ART3: variants seen among roughly 807,000 people sequenced by gnomAD.
ART3 encodes ecto-ADP-ribosyltransferase 3.
A neutral mutation model predicts 48.5 loss-of-function variants in ART3; 49 were observed. That is an observed-to-expected ratio of 1.01 (90% CI 0.80 to 1.28). ART3 has a LOEUF of 1.28. Among genes scored for constraint, ART3 ranks in the 50% most tolerant of loss-of-function variants. The pLI is 0.00. For missense variants in ART3, 438 were observed against 454.3 expected, an observed-to-expected ratio of 0.96 and a Z score of 0.33; for synonymous variants, 145 against 157.2, an observed-to-expected ratio of 0.92 and a Z score of 0.58.
At chr4:76,078,379 G>A (rs1395188670) in intron 2 of ART3, among the ~76,000 whole-genome samples, 1 of 152,152 alleles carries the variant, frequency 6.6e-6, no homozygotes, top group Non-Finnish European at 1.5e-5. Flanking sequence ...AGGGTCTGGT[G>A]TCTTATACGG....
intron 1 of ART3, among the ~76,000 whole-genome samples, chr4:76,042,245 A>G (rs949876575): frequency 6.6e-6 from 1 of 152,240 alleles, no homozygotes; most frequent in African/African-American, 2.4e-5. Context: ...ATTTAAAAAT[A>G]ATTTCCAACT....
rs10003382 is a variant in ART3 at position 76,034,320 on chromosome 4, C to T, written c.-10+23000C>T. The T allele has an allele frequency of 0.59, 236,392 of 398,352 alleles. 73,326 individuals are homozygous for T. Among genetic ancestry groups the T allele is most frequent in the East Asian group, 0.93 (25,985 of 27,972 alleles). 24.7% of individuals were successfully genotyped at this position (398,352 alleles called of 1,614,324 possible). Reference sequence around the variant, plus strand: ...CCAGTAATAATGTCAATGTCTCCACCGTAACCACAGATAGTAATATAGCAT... The same window carrying T: ...CCAGTAATAATGTCAATGTCTCCACTGTAACCACAGATAGTAATATAGCAT... On this transcript the variant is annotated intron_variant, in intron 1 of 9. Transcript: ENST00000341029.
At chr4:76,068,778 G>C (rs1477920495) in intron 1 of ART3, among the ~76,000 whole-genome samples, 1 of 152,122 alleles carries the variant, frequency 6.6e-6, no homozygotes, top group Non-Finnish European at 1.5e-5. Context: ...ATGTACCCTT[G>C]AGCCTAAAAT....
At chr4:76,062,962 TA>T (rs1205301979) in intron 1 of ART3, among the ~76,000 whole-genome samples, 1 of 152,144 alleles carries the variant, frequency 6.6e-6, no homozygotes, top group Non-Finnish European at 1.5e-5. Context: ...TTCCTACAGC[TA>T]ATCACTTGTT....
chr4:76,061,929 A>T (rs1484393464), intron 1 of ART3, among the ~76,000 whole-genome samples: 1 of 152,248 alleles, frequency 6.6e-6, no homozygotes, highest in Admixed American at 6.5e-5. Context: ...TTTTACACGA[A>T]TTTCTAGAGT....
intron 1 of ART3, among the ~76,000 whole-genome samples, chr4:76,068,741 G>A (rs1285370231): frequency 2.6e-5 from 4 of 152,068 alleles, no homozygotes; most frequent in Non-Finnish European, 2.9e-5. Context: ...CCTCTGACAC[G>A]AGTTTACCTA....
intron 1 of ART3, among the ~76,000 whole-genome samples, chr4:76,054,680 A>G (rs1412372128): frequency 6.6e-6 from 1 of 152,126 alleles, no homozygotes; most frequent in Non-Finnish European, 1.5e-5. Context: ...TAAAAATTTG[A>G]AAAATTAGCT....
At chr4:76,106,783 T>C (rs1728568426) in intron 10 of ART3, among the ~76,000 whole-genome samples, 1 of 152,158 alleles carries the variant, frequency 6.6e-6, no homozygotes, top group African/African-American at 2.4e-5. Context: ...TGTTTTACTG[T>C]TTGCTCCTTC....
At chr4:76,026,693 T>A (rs947852578) in intron 1 of ART3, among the ~76,000 whole-genome samples, 1 of 92,050 alleles carries the variant, frequency 1.1e-5, no homozygotes, top group Non-Finnish European at 2.1e-5. Flanking sequence ...CTTAGTTATT[T>A]GCTGTTTTTT....
chr4:76,093,693 GTAT>G (rs1176110536), intron 3 of ART3, among the ~76,000 whole-genome samples: 1 of 152,082 alleles, frequency 6.6e-6, no homozygotes, highest in Non-Finnish European at 1.5e-5. Context: ...TTTAAGAAGG[GTAT>G]TATTCTGCAT....
chr4:76,054,987 C>A (rs904442905), intron 1 of ART3, among the ~76,000 whole-genome samples: 1 of 152,178 alleles, frequency 6.6e-6, no homozygotes. Context: ...GTTGCTCAGG[C>A]TGGACTCAAA....
At chr4:76,063,871 C>G (rs775264444) in intron 1 of ART3, among the ~76,000 whole-genome samples, 4 of 152,136 alleles carry the variant, frequency 2.6e-5, no homozygotes, top group South Asian at 2.1e-4. Context: ...GAATTATATA[C>G]TAGCCAACTG....
rs554024910 is a variant in ART3, at chr4:76,109,673, C to T, written c.1036+1880C>T. 1.5e-4 allele frequency among the ~76,000 whole-genome samples: 23 copies of T among 152,210 alleles called. No individual in the cohort carries two copies. In the South Asian group the frequency reaches 1.9e-3, roughly 12 times the overall value. ...AACACGTAATATGTTACAACGGCAACGATGTTGCTAGGCAGTAGGAAATTT... is the reference window on the plus strand; with the variant it reads ...AACACGTAATATGTTACAACGGCAATGATGTTGCTAGGCAGTAGGAAATTT... On this transcript the variant is annotated intron_variant, in intron 11 of 11. Coordinates refer to ENST00000355810, the MANE Select transcript of ART3 (RefSeq NM_001130016.3).
chr4:76,103,446 AC>A (rs971450459), intron 8 of ART3, among the ~76,000 whole-genome samples: 1 of 152,168 alleles, frequency 6.6e-6, no homozygotes, highest in African/African-American at 2.4e-5. Flanking sequence ...TTTATTGAGT[AC>A]CTTTTTTCGC....
intron 10 of ART3, chr4:76,105,383 G>T: frequency 1.3e-6 from 1 of 789,922 alleles, no homozygotes; most frequent in South Asian, 2.3e-5. Context: ...TTTCACATCT[G>T]TAAAATGAGG....
At chr4:76,039,168 C>T (rs1263584993) in intron 1 of ART3, among the ~76,000 whole-genome samples, 3 of 149,470 alleles carry the variant, frequency 2.0e-5, no homozygotes, top group African/African-American at 5.0e-5. Flanking sequence ...GGCATGATCT[C>T]GGCTTACTGC....
chr4:76,028,342 T>C (rs969809445), intron 1 of ART3, among the ~76,000 whole-genome samples: 1 of 152,260 alleles, frequency 6.6e-6, no homozygotes, highest in African/African-American at 2.4e-5. Context: ...TAGAATTCAC[T>C]GATCTGAGTA....
chr4:76,023,326 C>A (rs1300019109), intron 1 of ART3: 1 of 1,428,238 alleles, frequency 7.0e-7, no homozygotes, highest in Non-Finnish European at 9.9e-7. Context: ...TATACCTATT[C>A]CTATTTCTCA....
intron 1 of ART3, among the ~76,000 whole-genome samples, chr4:76,051,764 A>G (rs1736111955): frequency 6.6e-6 from 1 of 151,706 alleles, no homozygotes; most frequent in East Asian, 1.9e-4. Flanking sequence ...CTGGTCTCGA[A>G]TTCCTGTGCC....
Sources: allele counts gnomAD v4.1 joint callset (sites outside exome capture counted in the v4.1 genomes callset), GRCh38; gene constraint gnomAD v4.1.1; transcripts MANE v1.5; gene names NCBI Gene and HGNC (gene_info 2026-07-23, HGNC 2026-07-21).